The following DNAH2 variants were observed in gnomAD, a reference collection of about 807,000 sequenced individuals.
The protein encoded by DNAH2 is dynein axonemal heavy chain 2, also known as axonemal beta dynein heavy chain 2.
DNAH2 carries 323 observed loss-of-function variants against 523.5 expected under a neutral mutation model. The ratio of observed to expected loss-of-function variants is 0.62; its 90% CI spans 0.56 to 0.68. The LOEUF (loss-of-function observed/expected upper bound fraction) is 0.68. DNAH2 is among the 30% of genes least tolerant of loss of function. DNAH2 has a pLI of 0.00. For missense variants in DNAH2, 4,907 were observed against 5,701.5 expected, an observed-to-expected ratio of 0.86 and a Z score of 4.49; for synonymous variants, 2,093 against 2,177.4, an observed-to-expected ratio of 0.96 and a Z score of 1.08.
intron 32 of DNAH2, 81 bp downstream of exon 32, chr17:7,776,970 GC>G: frequency 8.3e-7 from 1 of 1,212,064 alleles, no homozygotes; most frequent in Non-Finnish European, 1.2e-6. Context: ...ACTCGCTTGA[GC>G]CCAGGAGTTC....
rs775557816 is a variant in DNAH2 at position 7,740,424 on chromosome 17, C to T, written c.1381C>T (p.Arg461Cys). ...TCWHEDYNKF[R>C]AGIKDLEVMT... is the part of the protein sequence containing the mutation. ...CATGCCTCTCCACCGGTGCAGGTTC[C>T]GTGCCGGAATCAAGGACCTGGAGGT... The change falls in exon 10 of 86, where the codon CGT becomes TGT. Residue 461 changes from arginine (R) to cysteine (C), a missense_variant. Arg to Cys is a radical substitution (Grantham distance 180). Around this residue, in one of 3 missense-constraint regions of DNAH2, gnomAD observed 2,806 missense variants for 3,190.8 expected, o/e 0.88. Coordinates refer to ENST00000572933, the MANE Select transcript of DNAH2 (RefSeq NM_020877.5). 2.5e-6 allele frequency: 4 copies of T among 1,614,116 alleles called. No individual in the cohort carries two copies. The highest frequency in any genetic ancestry group is 2.2e-5 in the South Asian group (2 of 91,074).
intron 18 of DNAH2, among the ~76,000 whole-genome samples, chr17:7,761,916 A>AAAAAAG (rs1202580375): frequency 1.1e-4 from 16 of 152,146 alleles, no homozygotes; most frequent in African/African-American, 3.9e-4. Flanking sequence ...AGAAAAAAAA[A>AAAAAAG]AAAAAGAAAT....
chr17:7,801,500 T>C (rs1418950358), intron 56 of DNAH2, 78 bp from the exon 57 acceptor site: 1 of 1,589,304 alleles, frequency 6.3e-7, no homozygotes. Context: ...AGAAAGTGAG[T>C]GGATGCGTGT....
At chr17:7,744,373 C>T (rs60073318) in intron 12 of DNAH2, among the ~76,000 whole-genome samples, 2,578 of 150,508 alleles carry the variant, frequency 0.017, 74 homozygotes, top group African/African-American at 0.06. Flanking sequence ...TGTGTGGAGA[C>T]GGAGTCCCAG....
Position 7,831,131 on chromosome 17 carries a change from C to G in DNAH2, c.12276C>G (p.Leu4092=). 1 of 1,614,074 alleles carries G rather than the reference C, an allele frequency of 6.2e-7. No individual in the cohort carries two copies. The highest frequency in any genetic ancestry group is 2.2e-5 in the East Asian group (1 of 44,886). ...ATTTCATCCCCAAGGATGGCAGCCTCGCTTCTTACAAGGAATACATCAGCT... is the reference window on the plus strand; with the variant it reads ...ATTTCATCCCCAAGGATGGCAGCCTGGCTTCTTACAAGGAATACATCAGCT... ...ETYFIPKDGS[L]ASYKEYISLL... The change falls in exon 80 of 86, where the codon CTC becomes CTG. Residue 4092 remains leucine, a synonymous_variant. Transcript: ENST00000572933. This position sits in a 1 kb window ranked among gnomAD's most constrained non-coding sequence, Gnocchi z 4.2.
At chr17:7,759,370 T>C in intron 15 of DNAH2, 52 bp from the exon 16 acceptor site, 2 of 1,559,824 alleles carry the variant, frequency 1.3e-6, no homozygotes, top group Non-Finnish European at 1.7e-6. Flanking sequence ...CTTCCCAGGA[T>C]GTGCCCTGTC....
Position 7,754,708 on chromosome 17 carries a change from C to A in DNAH2, c.1905-2383C>A. 8.2e-7 allele frequency: 1 copy of A among 1,217,640 alleles called. No homozygotes were observed. The highest frequency in any genetic ancestry group is 1.2e-6 in the Non-Finnish European group (1 of 837,442). 75.4% of individuals were successfully genotyped at this position (1,217,640 alleles called of 1,614,324 possible). ...GCCCACCCCAACCTTGGGAAGCTTG[C>A]TCGTGCCCGCATGGCCAAGGGGCTC... On this transcript the variant is annotated intron_variant, in intron 12 of 85. Coordinates refer to ENST00000572933, the MANE Select transcript of DNAH2 (RefSeq NM_020877.5). The surrounding 1 kb of genome is among the most constrained non-coding windows in gnomAD (Gnocchi z 4.6).
intron 10 of DNAH2, 49 bp downstream of exon 10, chr17:7,740,598 T>A (rs2075283856): frequency 6.2e-7 from 1 of 1,603,558 alleles, no homozygotes; most frequent in Non-Finnish European, 8.5e-7. Context: ...CGTGCTTTCC[T>A]GGAGTCCCTC....
intron 58 of DNAH2, 147 bp downstream of exon 58, chr17:7,802,164 G>A (rs1033927749): frequency 1.7e-5 from 19 of 1,118,598 alleles, no homozygotes; most frequent in Admixed American, 2.3e-5. Flanking sequence ...GGGGCTTCCC[G>A]TGGGAGGGGC....
At chr17:7,759,710 T>C in intron 16 of DNAH2, 81 bp from the exon 17 acceptor site, 1 of 1,603,234 alleles carries the variant, frequency 6.2e-7, no homozygotes, top group South Asian at 1.1e-5. Context: ...CTTTATCCTA[T>C]GGCCTTCAGA....
Position 7,788,233 on chromosome 17 carries a change from C to T in DNAH2, c.6889C>T (p.Pro2297Ser), listed in dbSNP as rs1013427150. 3 of 1,589,176 alleles carry T rather than the reference C, an allele frequency of 1.9e-6. No individual in the cohort carries two copies. In the African/African-American group the frequency reaches 4.0e-5, roughly 21 times the overall value. Residue 2297 changes from proline (P) to serine (S), a missense_variant, in exon 44 of 86, where the codon CCA (proline) becomes TCA (serine). Pro to Ser is a moderately conservative substitution (Grantham distance 74). Transcript: ENST00000572933. ...LCKLYSALAT[P>S]ENGVNPADGE... ...CAAGCTGTACTCTGCCCTGGCCACGCCAGAGAATGGGGTAAGGGGAGGACA... is the reference window on the plus strand; with the variant it reads ...CAAGCTGTACTCTGCCCTGGCCACGTCAGAGAATGGGGTAAGGGGAGGACA...
intron 7 of DNAH2, 73 bp from the exon 8 acceptor site, chr17:7,736,994 T>TAA: frequency 7.4e-7 from 1 of 1,349,740 alleles, no homozygotes; most frequent in Non-Finnish European, 1.0e-6. Context: ...AATAAATAAA[T>TAA]AAATAAAAGC....
At chr17:7,732,249 A>G (rs1158518588) in intron 4 of DNAH2, among the ~76,000 whole-genome samples, 2 of 151,704 alleles carry the variant, frequency 1.3e-5, no homozygotes, top group Non-Finnish European at 2.9e-5. Context: ...AGCCTGGCCA[A>G]CCTGGTGAAA....
intron 9 of DNAH2, 100 bp from the exon 10 acceptor site, chr17:7,740,320 A>G (rs1176771587): frequency 1.3e-6 from 2 of 1,534,282 alleles, no homozygotes; most frequent in East Asian, 2.3e-5. Context: ...GGCACACAGG[A>G]AGCCCTCTGT....
intron 3 of DNAH2, among the ~76,000 whole-genome samples, chr17:7,726,685 T>A (rs1275478330): frequency 6.6e-6 from 1 of 152,154 alleles, no homozygotes; most frequent in Non-Finnish European, 1.5e-5. Context: ...TATTTTACAC[T>A]TCTTTTGGAC....
Position 7,757,213 on chromosome 17 carries a change from T to C in DNAH2, c.2027T>C (p.Leu676Pro). The change falls in exon 13 of 86, where the codon CTA becomes CCA. Residue 676 changes from leucine (L) to proline (P), a missense_variant. Leu to Pro is a moderately conservative substitution (Grantham distance 98, BLOSUM62 -3). Coordinates refer to ENST00000572933, the MANE Select transcript of DNAH2 (RefSeq NM_020877.5). ...EDLRILRENL[L>P]LVARDYNRII... Reference sequence around the variant, plus strand: ...CTGCGCATTCTGCGTGAAAATCTGCTACTCGTTGCTAGAGACTACAATAGG... The same window carrying C: ...CTGCGCATTCTGCGTGAAAATCTGCCACTCGTTGCTAGAGACTACAATAGG... 1.9e-6 allele frequency: 3 copies of C among 1,614,196 alleles called. No individual in the cohort carries two copies. Among genetic ancestry groups the C allele is most frequent in the Non-Finnish European group, 2.5e-6 (3 of 1,180,030 alleles).
In DNAH2 at chr17:7,807,412, A is replaced by T; in HGVS notation, c.9613-58A>T. On this transcript the variant is annotated intron_variant, in intron 62 of 85. Transcript: ENST00000572933. The surrounding 1 kb of genome is among the most constrained non-coding windows in gnomAD (Gnocchi z 5.6). ...CCAGGTGGAAGGAGGGGATGCCTGG[A>T]GGTGAGGGGGTTGGTGGGTTGGTGG... 1 of 1,593,750 alleles carries T rather than the reference A, an allele frequency of 6.3e-7. No homozygotes were observed. Among genetic ancestry groups the T allele is most frequent in the Non-Finnish European group, 8.6e-7 (1 of 1,168,218 alleles).
At chr17:7,827,211 T>G (rs986892774) in intron 77 of DNAH2, among the ~76,000 whole-genome samples, 5 of 152,084 alleles carry the variant, frequency 3.3e-5, no homozygotes, top group African/African-American at 1.2e-4. Context: ...TTATGCTGTT[T>G]TTTGGTGAAG....
At chr17:7,722,094 A>G (rs1289300120) in intron 2 of DNAH2, among the ~76,000 whole-genome samples, 1 of 151,560 alleles carries the variant, frequency 6.6e-6, no homozygotes, top group Non-Finnish European at 1.5e-5. Context: ...TGCCTCCCGG[A>G]TTCAAGCAAT....
Sources: allele counts gnomAD v4.1 joint callset (sites outside exome capture counted in the v4.1 genomes callset), GRCh38; gene constraint gnomAD v4.1.1; regional missense constraint gnomAD v4.1.1; non-coding constraint Gnocchi (gnomAD v3.1); transcripts MANE v1.5; gene names NCBI Gene and HGNC (gene_info 2026-07-23, HGNC 2026-07-21).